The following SHTN1 variants were observed in gnomAD, a reference collection of about 807,000 sequenced individuals.
The protein encoded by SHTN1 is shootin-1.
In SHTN1, 42 loss-of-function variants were observed where a neutral mutation model predicts 83.1. The observed-to-expected ratio is 0.51, with a 90% CI of 0.39 to 0.65. The LOEUF is 0.65. Ranked by LOEUF, SHTN1 falls within the 30% of genes least tolerant of loss-of-function variation. The probability of loss-of-function intolerance (pLI) is 0.00; values close to 1 mark genes in which losing one functional copy is unlikely to be tolerated. For missense variants in SHTN1, 622 were observed against 737.8 expected (o/e 0.84, Z 1.82); for synonymous variants, 224 against 247.7 (o/e 0.90, Z 0.90).
chr10:116,899,797 G>C (rs1277993872), intron 16 of SHTN1, among the ~76,000 whole-genome samples: 1 of 152,160 alleles, frequency 6.6e-6, no homozygotes, highest in Non-Finnish European at 1.5e-5. Context: ...GACAGGCCAA[G>C]TCTATAAAGT....
At chr10:117,076,222 T>C (rs1056550459) in intron 1 of SHTN1, among the ~76,000 whole-genome samples, 1 of 150,558 alleles carries the variant, frequency 6.6e-6, no homozygotes, top group Non-Finnish European at 1.5e-5. Context: ...AGATATTATA[T>C]ATGAAAATGG....
chr10:117,054,299 A>G (rs960254812), intron 1 of SHTN1, among the ~76,000 whole-genome samples: 5 of 152,152 alleles, frequency 3.3e-5, no homozygotes, highest in African/African-American at 1.2e-4. Flanking sequence ...ATACCAAATT[A>G]TAAGCAAAAC....
At chr10:116,988,660 T>C (rs1851310286) in intron 1 of SHTN1, among the ~76,000 whole-genome samples, 1 of 152,044 alleles carries the variant, frequency 6.6e-6, no homozygotes, top group Non-Finnish European at 1.5e-5. Context: ...GCAATCCTTC[T>C]GCCTCAGTCT....
chr10:117,093,166 A>G (rs1853458091), intron 1 of SHTN1, among the ~76,000 whole-genome samples: 1 of 152,150 alleles, frequency 6.6e-6, no homozygotes, highest in South Asian at 2.1e-4. Context: ...ATCCCATATT[A>G]CACATGAGGA....
intron 1 of SHTN1, among the ~76,000 whole-genome samples, chr10:117,090,807 AAGG>A (rs1564956298): frequency 3.2e-5 from 2 of 63,420 alleles, no homozygotes; most frequent in South Asian, 6.3e-4. Flanking sequence ...GGAAGGAAGG[AAGG>A]AAGGAAGGAA....
chr10:117,009,502 T>A (rs780096965), upstream of SHTN1, among the ~76,000 whole-genome samples: 2 of 152,050 alleles, frequency 1.3e-5, no homozygotes, highest in African/African-American at 4.8e-5. Context: ...AGAGTTGGGG[T>A]GGTTATATTA....
At chr10:117,116,774 G>A (rs981205316) in intron 1 of SHTN1, among the ~76,000 whole-genome samples, 2 of 152,088 alleles carry the variant, frequency 1.3e-5, no homozygotes, top group African/African-American at 4.8e-5. Context: ...AGTAATAAAT[G>A]TGATACATCA....
At chr10:116,955,812 A>G (rs935526698) in intron 4 of SHTN1, among the ~76,000 whole-genome samples, 3 of 152,220 alleles carry the variant, frequency 2.0e-5, no homozygotes, top group African/African-American at 7.2e-5. Context: ...AGCTCTATTC[A>G]GGAAATCAGA....
intron 2 of SHTN1, among the ~76,000 whole-genome samples, chr10:117,038,786 C>T (rs528862127): frequency 3.9e-5 from 6 of 152,288 alleles, no homozygotes; most frequent in Middle Eastern, 3.4e-3. Context: ...AAAACGACAA[C>T]GTGATATCAC....
At chr10:117,048,097 C>A (rs1852693048) in intron 2 of SHTN1, among the ~76,000 whole-genome samples, 1 of 152,004 alleles carries the variant, frequency 6.6e-6, no homozygotes, top group Non-Finnish European at 1.5e-5. Context: ...AAAGAGGGAT[C>A]CATAAGTCAT....
intron 1 of SHTN1, among the ~76,000 whole-genome samples, chr10:116,989,258 T>C (rs1468168965): frequency 2.0e-5 from 3 of 152,214 alleles, no homozygotes; most frequent in African/African-American, 4.8e-5. Context: ...TGGACTAATA[T>C]TGATACACTG....
chr10:116,970,708 C>A (rs1182293939), intron 2 of SHTN1, among the ~76,000 whole-genome samples: 2 of 144,714 alleles, frequency 1.4e-5, no homozygotes, highest in African/African-American at 2.5e-5. Flanking sequence ...GAGAGACTTA[C>A]TCTCAAAAAA....
At chr10:116,986,385 G>A (rs971815956) in intron 1 of SHTN1, among the ~76,000 whole-genome samples, 4 of 152,088 alleles carry the variant, frequency 2.6e-5, no homozygotes, top group East Asian at 1.9e-4. Context: ...CTTGGGAACC[G>A]GTACCTGGTA....
At chr10:117,075,476 GC>G (rs1853139019) in intron 1 of SHTN1, among the ~76,000 whole-genome samples, 1 of 152,212 alleles carries the variant, frequency 6.6e-6, no homozygotes, top group African/African-American at 2.4e-5. Context: ...CACTGAGGAT[GC>G]AACAGTGACC....
chr10:117,049,348 T>C (rs1467759009), intron 1 of SHTN1, among the ~76,000 whole-genome samples: 1 of 151,892 alleles, frequency 6.6e-6, no homozygotes, highest in African/African-American at 2.4e-5. Context: ...GCAGAACTTG[T>C]TGGAAAAAAA....
chr10:117,091,297 G>A (rs900621524), intron 1 of SHTN1, among the ~76,000 whole-genome samples: 3 of 152,196 alleles, frequency 2.0e-5, no homozygotes. Context: ...TATCTCAGAT[G>A]AGGTAAATAG....
At chr10:116,902,174 A>G (rs1008910427) in intron 15 of SHTN1, among the ~76,000 whole-genome samples, 1 of 152,208 alleles carries the variant, frequency 6.6e-6, no homozygotes. Context: ...AATTGTGTAC[A>G]GACCTTTAAG....
At chr10:117,089,413 C>A (rs1853397142) in intron 1 of SHTN1, among the ~76,000 whole-genome samples, 1 of 152,084 alleles carries the variant, frequency 6.6e-6, no homozygotes, top group Non-Finnish European at 1.5e-5. Flanking sequence ...AAAAAATCAC[C>A]ATTTAACTTA....
intron 2 of SHTN1, among the ~76,000 whole-genome samples, chr10:117,048,192 T>G (rs1255830972): frequency 6.6e-6 from 1 of 152,148 alleles, no homozygotes; most frequent in African/African-American, 2.4e-5. Context: ...ACATTATGAA[T>G]AAGATTAAGT....
Sources: allele counts gnomAD v4.1 joint callset (sites outside exome capture counted in the v4.1 genomes callset), GRCh38; gene constraint gnomAD v4.1.1; transcripts MANE v1.5; gene names NCBI Gene and HGNC (gene_info 2026-07-23, HGNC 2026-07-21).